Variants in PROSER2 observed in about 807,000 individuals in gnomAD.
The protein encoded by PROSER2 is proline and serine-rich protein 2.
Under a neutral mutation model 14.6 loss-of-function variants are expected in PROSER2, and 18 were observed. That is an observed-to-expected ratio of 1.23 (90% CI 0.85 to 1.83). The LOEUF (loss-of-function observed/expected upper bound fraction) is 1.83. Among genes scored for constraint, PROSER2 ranks in the 40% most tolerant of loss-of-function variants. The pLI is 0.00. For missense variants in PROSER2, 823 were observed against 629.8 expected (o/e 1.31, Z -3.28); for synonymous variants, 367 against 286.4 (o/e 1.28, Z -2.84).
intron 1 of PROSER2, among the ~76,000 whole-genome samples, chr10:11,832,989 C>G (rs1004492331): frequency 6.6e-6 from 1 of 151,498 alleles, no homozygotes; most frequent in Non-Finnish European, 1.5e-5. Context: ...ATTACAGGCA[C>G]ACGCCACCAT....
In PROSER2 at chr10:11,869,634, C is replaced by G. The variant is rs1199727921; in HGVS notation, c.536C>G (p.Ser179Cys). The G allele has an allele frequency of 6.3e-7, 1 of 1,596,092 alleles. No individual in the cohort carries two copies. The highest frequency in any genetic ancestry group is 1.1e-5 in the South Asian group (1 of 89,132). Residue 179 changes from serine (S) to cysteine (C), a missense_variant, in exon 4 of 4, where the codon TCC becomes TGC. Transcript: ENST00000277570. This position sits in a 1 kb window ranked among gnomAD's most constrained non-coding sequence, Gnocchi z 4.4. ...DPPRRELRAP[S>C]PPVEHPRLLR... ...CCCAGGAGGGAGCTGCGCGCCCCCT[C>G]CCCGCCGGTGGAGCACCCCAGACTC...
At chr10:11,853,925 CCG>C (rs1834076128) in intron 2 of PROSER2, among the ~76,000 whole-genome samples, 1 of 152,130 alleles carries the variant, frequency 6.6e-6, no homozygotes, top group Non-Finnish European at 1.5e-5. Context: ...AGTAGCACTC[CCG>C]TGGTATATGT....
chr10:11,848,620 G>A (rs180826250), intron 1 of PROSER2, among the ~76,000 whole-genome samples: 50 of 152,258 alleles, frequency 3.3e-4, no homozygotes, highest in African/African-American at 1.1e-3. Flanking sequence ...TCCCTTTGCA[G>A]GGCGTAAACC....
intron 3 of PROSER2, among the ~76,000 whole-genome samples, chr10:11,868,847 C>T (rs528115730): frequency 1.3e-5 from 2 of 152,138 alleles, no homozygotes; most frequent in South Asian, 2.1e-4. Context: ...GACAAGGTTT[C>T]ACCACGTTGG....
At chr10:11,842,435 GT>G (rs536578265) in intron 1 of PROSER2, among the ~76,000 whole-genome samples, 44 of 147,990 alleles carry the variant, frequency 3.0e-4, no homozygotes, top group African/African-American at 1.0e-3. Flanking sequence ...AATGTTCTGG[GT>G]TTTTTTTTAG....
intron 1 of PROSER2, among the ~76,000 whole-genome samples, chr10:11,841,838 A>G (rs1036297304): frequency 6.6e-6 from 1 of 152,198 alleles, no homozygotes; most frequent in Non-Finnish European, 1.5e-5. Context: ...AAGAATGTGT[A>G]TTGTGAAGCT....
chr10:11,852,081 C>T lies in PROSER2; in HGVS notation c.4C>T (p.Pro2Ser). The stretch of plus-strand genomic sequence containing the variant: ...CGGCCCTGAGGACTCTGTGGAGATG[C>T]CTGTAACCCACCGGAAATCAGACGC... M[P>S]VTHRKSDASD... The change falls in exon 2 of 4, where the codon CCT (proline) becomes TCT (serine). Residue 2 changes from proline (P) to serine (S), a missense_variant. Physicochemically the swap from Pro to Ser is moderately conservative, Grantham distance 74. Coordinates refer to ENST00000277570, the MANE Select transcript of PROSER2 (RefSeq NM_153256.4). The T allele has an allele frequency of 6.2e-7, 1 of 1,610,682 alleles. No homozygotes were observed. Among genetic ancestry groups the T allele is most frequent in the Non-Finnish European group, 8.5e-7 (1 of 1,178,416 alleles).
intron 1 of PROSER2, among the ~76,000 whole-genome samples, chr10:11,843,961 A>G (rs1311812554): frequency 1.3e-5 from 2 of 150,928 alleles, no homozygotes; most frequent in Non-Finnish European, 2.9e-5. Context: ...TCTAATTATC[A>G]CTTCTTTGAA....
At chr10:11,844,289 C>T (rs1158081790) in intron 1 of PROSER2, among the ~76,000 whole-genome samples, 1 of 152,162 alleles carries the variant, frequency 6.6e-6, no homozygotes, top group African/African-American at 2.4e-5. Context: ...CTGCACCCAG[C>T]CACTTTGAAT....
intron 1 of PROSER2, among the ~76,000 whole-genome samples, chr10:11,842,253 T>C (rs1220403616): frequency 6.6e-6 from 1 of 152,166 alleles, no homozygotes; most frequent in African/African-American, 2.4e-5. Context: ...GACAATGTTT[T>C]TATTTTAACT....
chr10:11,869,862 G>A lies in PROSER2; in HGVS notation c.764G>A (p.Ser255Asn), dbSNP rs768637707. The A allele has an allele frequency of 1.4e-5, 22 of 1,594,066 alleles. No homozygotes were observed. The highest frequency in any genetic ancestry group is 1.8e-5 in the Non-Finnish European group (21 of 1,172,382). The change falls in exon 4 of 4, where the codon AGC (serine) becomes AAC (asparagine). Residue 255 changes from serine to asparagine, a missense_variant. By Grantham distance (46) the Ser-to-Asn change is conservative (BLOSUM62 1). Transcript: ENST00000277570. This position sits in a 1 kb window ranked among gnomAD's most constrained non-coding sequence, Gnocchi z 4.4. ...PAQPKAPRFPSNIIVTNGAAR... is the reference protein window; with the variant it reads ...PAQPKAPRFPNNIIVTNGAAR... The stretch of plus-strand genomic sequence containing the variant: ...CAGCCCAAGGCACCCCGCTTCCCCA[G>A]CAACATCATCGTCACCAACGGCGCG...
Position 11,870,485 on chromosome 10 carries a change from T to C in PROSER2, c.*79T>C. ...AAAGAGTCGCTGCACCCAGGAGCTG[T>C]TTGGTCTAAAATGGAAGTGACAGCG... On this transcript the variant is annotated 3_prime_UTR_variant, in exon 4 of 4. Transcript: ENST00000277570. The C allele has an allele frequency of 8.1e-7, 1 of 1,238,186 alleles. No homozygotes were observed. The highest frequency in any genetic ancestry group is 1.1e-6 in the Non-Finnish European group (1 of 937,426). The allele number at this position is 1,238,186 out of a possible 1,614,324, so 76.7% of individuals were successfully genotyped here. A position where few individuals can be genotyped will look rare whatever the true frequency, so the allele number is the denominator to read the frequency against.
intron 2 of PROSER2, among the ~76,000 whole-genome samples, chr10:11,854,838 T>TA (rs751155730): frequency 3.8e-4 from 58 of 152,212 alleles, no homozygotes; most frequent in Non-Finnish European, 8.1e-4. Flanking sequence ...CTAAACGTCA[T>TA]ACTCCACTTT....
intron 1 of PROSER2, among the ~76,000 whole-genome samples, chr10:11,828,273 AC>A (rs561354954): frequency 2.0e-5 from 3 of 150,632 alleles, no homozygotes; most frequent in African/African-American, 7.3e-5. Context: ...TTTAGTTTGC[AC>A]ATATTACTTA....
chr10:11,825,683 A>T (rs1011079026), intron 1 of PROSER2, among the ~76,000 whole-genome samples: 1 of 152,158 alleles, frequency 6.6e-6, no homozygotes, highest in Admixed American at 6.5e-5. Context: ...TTGAAACCTA[A>T]GAGTATTTTA....
At chr10:11,852,404 CCCATAG>C (rs1261326535) in intron 2 of PROSER2, among the ~76,000 whole-genome samples, 189 bp downstream of exon 2, 28 of 152,294 alleles carry the variant, frequency 1.8e-4, no homozygotes, top group Admixed American at 5.2e-4. Context: ...CAGAGCATTA[CCCATAG>C]CCATGGAGCA....
chr10:11,846,617 C>G (rs1833926953), intron 1 of PROSER2, among the ~76,000 whole-genome samples: 1 of 152,188 alleles, frequency 6.6e-6, no homozygotes, highest in Non-Finnish European at 1.5e-5. Context: ...AGCATTTCCT[C>G]CTGCCTGTCG....
In PROSER2 at chr10:11,836,684, G is replaced by A. The variant is rs548176260; in HGVS notation, c.-82+13214G>A. On this transcript the variant is annotated intron_variant, in intron 1 of 3. Transcript: ENST00000277570. This position sits in a 1 kb window ranked among gnomAD's most constrained non-coding sequence, Gnocchi z 4.6. Reference sequence around the variant, plus strand: ...CTACTGTATATCCTGACACAGGAAGGGGGATGTCTTTTAGAAGCTCATTTC... The same window carrying A: ...CTACTGTATATCCTGACACAGGAAGAGGGATGTCTTTTAGAAGCTCATTTC... Among the ~76,000 whole-genome samples, 14 of 152,234 alleles carry A rather than the reference G, an allele frequency of 9.2e-5. No individual in the cohort carries two copies. The South Asian group carries it at 2.7e-3, about 29-fold the overall frequency.
intron 2 of PROSER2, among the ~76,000 whole-genome samples, chr10:11,863,992 CTT>C (rs1296284938): frequency 1.3e-5 from 2 of 152,124 alleles, no homozygotes; most frequent in African/African-American, 4.8e-5. Context: ...TTCCCTGCAG[CTT>C]TCTCATGTGG....
Sources: gnomAD v4.1 joint callset for allele counts (sites outside exome capture counted in the v4.1 genomes callset) on GRCh38, gnomAD v4.1.1 for gene constraint, Gnocchi (gnomAD v3.1) non-coding constraint, MANE v1.5 for transcripts, NCBI Gene and HGNC (gene_info 2026-07-23, HGNC 2026-07-21) for gene names.